The following TAFA5 variants were observed in gnomAD, a reference collection of about 807,000 sequenced individuals.
TAFA5 encodes the protein TAFA chemokine like family member 5.
In TAFA5, 6 loss-of-function variants were observed where a neutral mutation model predicts 15.3. The ratio of observed to expected loss-of-function variants is 0.39; its 90% confidence interval spans 0.21 to 0.77. The LOEUF (loss-of-function observed/expected upper bound fraction) is 0.77. Among genes scored for constraint, TAFA5 ranks in the 30% least tolerant of loss-of-function variants. The pLI is 0.41. For missense variants in TAFA5, 161 were observed against 193.1 expected (o/e 0.83, Z 0.98); for synonymous variants, 103 against 80.7 (o/e 1.28, Z -1.48).
In TAFA5 at chr22:48,566,357, G is replaced by A. The variant is rs1336750892; in HGVS notation, c.112+76653G>A. The stretch of plus-strand genomic sequence containing the variant: ...GTGGATGATGAATGGATGGTGATGG[G>A]TGGACGGATGGTGGATGGATGGGTG... On this transcript the variant is annotated intron_variant, in intron 1 of 3. Transcript: ENST00000402357. This position sits in a 1 kb window ranked among gnomAD's most constrained non-coding sequence, Gnocchi z 4.5. Among the ~76,000 whole-genome samples the A allele has an allele frequency of 1.3e-5, 2 of 151,866 alleles. No individual in the cohort carries two copies. Among genetic ancestry groups the A allele is most frequent in the Non-Finnish European group, 2.9e-5 (2 of 67,952 alleles).
intron 2 of TAFA5, among the ~76,000 whole-genome samples, chr22:48,699,858 G>A (rs1374271804): frequency 6.6e-6 from 1 of 152,050 alleles, no homozygotes; most frequent in Non-Finnish European, 1.5e-5. Context: ...GAGGGAAGGC[G>A]GGAAGCACAC....
In TAFA5 at chr22:48,702,120, TG is replaced by T. The variant is rs1569085884; in HGVS notation, c.263-5596del. On this transcript the variant is annotated intron_variant, in intron 2 of 3. Transcript: ENST00000402357. ...TCTGCAAGAGGGCACACAGTGGACT[TG>T]TGTGTGAGTGTGTGTGTGTGCGTGT... is the stretch of plus-strand genomic sequence containing the variant. Among the ~76,000 whole-genome samples the T allele has an allele frequency of 4.3e-5, 4 of 93,102 alleles. No individual in the cohort carries two copies. The East Asian group carries it at 1.4e-3, about 33-fold the overall frequency. The allele number at this position is 93,102 out of a possible 152,430, so 61.1% of individuals were successfully genotyped here.
At chr22:48,570,556 T>A (rs923102685) in intron 1 of TAFA5, among the ~76,000 whole-genome samples, 6 of 152,216 alleles carry the variant, frequency 3.9e-5, no homozygotes, top group African/African-American at 1.4e-4. Flanking sequence ...ATGCGTGATG[T>A]CAGCAGTGCA....
chr22:48,504,035 C>A (rs1375802034), intron 1 of TAFA5, among the ~76,000 whole-genome samples: 1 of 152,226 alleles, frequency 6.6e-6, no homozygotes, highest in Non-Finnish European at 1.5e-5. Flanking sequence ...GGTTCCACCC[C>A]AGAACTCAAC....
At chr22:48,628,548 C>T (rs576964027) in intron 1 of TAFA5, among the ~76,000 whole-genome samples, 25 of 152,338 alleles carry the variant, frequency 1.6e-4, no homozygotes, top group South Asian at 4.1e-4. Flanking sequence ...AGGGCATAGA[C>T]GGGTTTGCTC....
chr22:48,732,562 G>GT (rs1929899078), intron 3 of TAFA5, among the ~76,000 whole-genome samples: 1 of 152,164 alleles, frequency 6.6e-6, no homozygotes, highest in Admixed American at 6.5e-5. Flanking sequence ...GCCAGAAAGT[G>GT]TTTTTTTGAC....
chr22:48,638,678 A>G (rs1242249953), intron 1 of TAFA5, among the ~76,000 whole-genome samples: 1 of 128,810 alleles, frequency 7.8e-6, no homozygotes, highest in East Asian at 2.6e-4. Context: ...CACAGGCAAT[A>G]CCACCCCCCT....
In TAFA5 at chr22:48,507,173, G is replaced by A. The variant is rs111961413; in HGVS notation, c.112+17469G>A. ...AGGAGGTGGCCGCAAAGGGCCAGGT[G>A]TGTAGTTGGAGAAGGAGACGGCCGC... On this transcript the variant is annotated intron_variant, in intron 1 of 3. Coordinates refer to ENST00000402357, the MANE Select transcript of TAFA5 (RefSeq NM_001082967.3). Among the ~76,000 whole-genome samples, 113 of 104,614 alleles carry A rather than the reference G, an allele frequency of 1.1e-3. 3 individuals are homozygous for A. The highest frequency in any genetic ancestry group is 3.6e-3 in the South Asian group (14 of 3,866). The allele number at this position is 104,614 out of a possible 152,430, so 68.6% of individuals were successfully genotyped here.
At chr22:48,637,538 C>T (rs6010534) in intron 1 of TAFA5, among the ~76,000 whole-genome samples, 14,588 of 152,240 alleles carry the variant, frequency 0.096, 759 homozygotes, top group East Asian at 0.19. Flanking sequence ...GCGGAGCCAG[C>T]GTTATCGGCA....
At chr22:48,507,921 T>C (rs1378233339) in intron 1 of TAFA5, among the ~76,000 whole-genome samples, 2 of 152,164 alleles carry the variant, frequency 1.3e-5, no homozygotes, top group Non-Finnish European at 2.9e-5. Context: ...AGCCCTGGCC[T>C]GGCCCACACC....
At chr22:48,617,136 G>T (rs1480604071) in intron 1 of TAFA5, among the ~76,000 whole-genome samples, 2 of 152,222 alleles carry the variant, frequency 1.3e-5, no homozygotes, top group African/African-American at 4.8e-5. Context: ...CATTTCGCCA[G>T]GCAAGAGGGT....
At chr22:48,654,617 C>T (rs1257360482) in intron 2 of TAFA5, among the ~76,000 whole-genome samples, 4 of 152,354 alleles carry the variant, frequency 2.6e-5, no homozygotes, top group Admixed American at 6.5e-5. Context: ...GCAGGCCTCC[C>T]GGCACTGACT....
intron 1 of TAFA5, among the ~76,000 whole-genome samples, chr22:48,641,429 G>C (rs1926671894): frequency 6.6e-6 from 1 of 152,062 alleles, no homozygotes; most frequent in Non-Finnish European, 1.5e-5. Context: ...CTCTCTCTCT[G>C]ACTTCCGATT....
chr22:48,585,366 A>G (rs1425021578), intron 1 of TAFA5, among the ~76,000 whole-genome samples: 1 of 149,796 alleles, frequency 6.7e-6, no homozygotes, highest in East Asian at 2.0e-4. Flanking sequence ...CACATACAAA[A>G]TATTCATACA....
intron 2 of TAFA5, among the ~76,000 whole-genome samples, chr22:48,694,640 A>C (rs733573): frequency 0.61 from 92,660 of 151,818 alleles, 28,850 homozygotes; most frequent in African/African-American, 0.71. Flanking sequence ...GGTATCTGGT[A>C]CTGCTCCCGG....
At chr22:48,722,051 AC>A (rs1444124691) in intron 3 of TAFA5, among the ~76,000 whole-genome samples, 4 of 152,166 alleles carry the variant, frequency 2.6e-5, no homozygotes, top group Non-Finnish European at 5.9e-5. Flanking sequence ...TGGGGTACAT[AC>A]CCAGTTATGG....
intron 1 of TAFA5, among the ~76,000 whole-genome samples, chr22:48,575,360 T>C (rs1387259829): frequency 2.0e-5 from 3 of 149,600 alleles, no homozygotes; most frequent in African/African-American, 4.9e-5. Context: ...CCAGTGCGCA[T>C]CCGCGGCTCC....
Position 48,550,167 on chromosome 22 carries a change from G to T in TAFA5, c.112+60463G>T, listed in dbSNP as rs1350052761. ...AGCCTGTGTGTGTCCACCCGAGGTG[G>T]CCCTGCCCTGTTTCCACACACAGCC... On this transcript the variant is annotated intron_variant, in intron 1 of 3. Coordinates refer to ENST00000402357, the MANE Select transcript of TAFA5 (RefSeq NM_001082967.3). This position sits in a 1 kb window ranked among gnomAD's most constrained non-coding sequence, Gnocchi z 4.1. Among the ~76,000 whole-genome samples the T allele has an allele frequency of 6.6e-6, 1 of 152,230 alleles. No individual in the cohort carries two copies. The highest frequency in any genetic ancestry group is 1.5e-5 in the Non-Finnish European group (1 of 68,048).
intron 2 of TAFA5, among the ~76,000 whole-genome samples, chr22:48,653,661 A>G (rs906181957): frequency 1.3e-5 from 2 of 151,940 alleles, no homozygotes; most frequent in African/African-American, 4.8e-5. Context: ...GGTGCGTTTA[A>G]TTGTTGGAAA....
Sources: gnomAD v4.1 joint callset for allele counts (sites outside exome capture counted in the v4.1 genomes callset) on GRCh38, gnomAD v4.1.1 for gene constraint, Gnocchi (gnomAD v3.1) non-coding constraint, MANE v1.5 for transcripts, NCBI Gene and HGNC (gene_info 2026-07-23, HGNC 2026-07-21) for gene names.